RNF24: variants seen among roughly 807,000 people sequenced by gnomAD.
The protein encoded by RNF24 is ring finger protein 24.
A neutral mutation model predicts 20.0 loss-of-function variants in RNF24; 14 were observed. That is an observed-to-expected ratio of 0.70 (90% CI 0.46 to 1.10). The LOEUF (loss-of-function observed/expected upper bound fraction) is 1.10, where lower values mean the gene tolerates loss of function less well. RNF24 is among the 50% of genes least tolerant of loss of function. The probability of loss-of-function intolerance (pLI) is 0.00; values close to 1 mark genes in which losing one functional copy is unlikely to be tolerated. For synonymous variants in RNF24, 45 were observed against 61.1 expected, an observed-to-expected ratio of 0.74 and a Z score of 1.23; for missense variants, 124 against 177.6, an observed-to-expected ratio of 0.70 and a Z score of 1.71.
intron 1 of RNF24, among the ~76,000 whole-genome samples, chr20:4,008,533 TTA>T: frequency 8.6e-6 from 1 of 116,344 alleles, no homozygotes; most frequent in African/African-American, 3.2e-5. Context: ...TATATATTAT[TTA>T]TATATATTAT....
At chr20:3,964,195 G>C (rs1268723365) in intron 1 of RNF24, among the ~76,000 whole-genome samples, 171 bp from the exon 2 acceptor site, 1 of 152,106 alleles carries the variant, frequency 6.6e-6, no homozygotes, top group Non-Finnish European at 1.5e-5. Context: ...AATATTTACT[G>C]AGTATTATGT....
At chr20:3,953,285 G>A (rs909552308) in intron 2 of RNF24, among the ~76,000 whole-genome samples, 2 of 151,922 alleles carry the variant, frequency 1.3e-5, no homozygotes, top group East Asian at 3.9e-4. Flanking sequence ...CCGAGTAGCT[G>A]GGACTACAGA....
intron 1 of RNF24, among the ~76,000 whole-genome samples, chr20:3,988,012 A>T (rs756475460): frequency 9.0e-5 from 13 of 145,194 alleles, no homozygotes; most frequent in Non-Finnish European, 1.5e-4. Context: ...AGCTTAAAAT[A>T]AAAAAAAAAA....
intron 1 of RNF24, among the ~76,000 whole-genome samples, chr20:4,001,807 G>A (rs1240533100): frequency 2.6e-5 from 4 of 152,054 alleles, no homozygotes. Context: ...AAACAGCTGG[G>A]CATGGTGACA....
In RNF24 at chr20:4,000,093, G is replaced by T. The variant is rs559319447; in HGVS notation, c.-8+15344C>A. Among the ~76,000 whole-genome samples the T allele has an allele frequency of 1.9e-3, 284 of 152,194 alleles. 2 individuals carry two copies. The highest frequency in any genetic ancestry group is 6.6e-3 in the African/African-American group (275 of 41,512). On this transcript the variant is annotated intron_variant, in intron 1 of 5. Transcript: ENST00000358395. ...CTAAAATGTTCTAAAATTGATTGTG[G>T]TGATAGACAGAAAACTCTAATATTC... is the stretch of plus-strand genomic sequence containing the variant.
At chr20:3,990,507 T>C (rs1317505949) in intron 1 of RNF24, among the ~76,000 whole-genome samples, 2 of 152,180 alleles carry the variant, frequency 1.3e-5, no homozygotes, top group Non-Finnish European at 2.9e-5. Flanking sequence ...GCAACCTAAA[T>C]ATGTAATTGG....
At chr20:3,974,939 A>G (rs1166516873) in intron 1 of RNF24, among the ~76,000 whole-genome samples, 3 of 152,156 alleles carry the variant, frequency 2.0e-5, no homozygotes, top group African/African-American at 7.2e-5. Context: ...AGACAAGGAA[A>G]TAAAACAGCT....
chr20:3,944,499 G>C (rs140165264), intron 4 of RNF24, among the ~76,000 whole-genome samples: 1,551 of 152,264 alleles, frequency 0.01, 17 homozygotes, highest in African/African-American at 0.035. Flanking sequence ...TCAAGTCCTT[G>C]CTTTAAACAC....
intron 4 of RNF24, among the ~76,000 whole-genome samples, chr20:3,944,928 G>A (rs900776844): frequency 1.3e-5 from 2 of 152,128 alleles, no homozygotes; most frequent in Non-Finnish European, 2.9e-5. Context: ...CAGCATGGAC[G>A]GCAAGCAGCA....
intron 2 of RNF24, among the ~76,000 whole-genome samples, chr20:3,953,809 T>C (rs2146971046): frequency 6.7e-6 from 1 of 150,160 alleles, no homozygotes; most frequent in East Asian, 2.0e-4. Flanking sequence ...CAGGCTGGAG[T>C]ACAGTGGCAC....
Position 3,928,063 on chromosome 20 carries a change from TA to T in RNF24, c.*5999del, listed in dbSNP as rs1159832934. On this transcript the variant is annotated 3_prime_UTR_variant, in exon 6 of 6. Coordinates refer to ENST00000358395, the MANE Select transcript of RNF24 (RefSeq NM_001134337.3). ...TCCCCAGCACATGGGGATCCCTTAT[TA>T]ATCTTTACTAAAGAACCGTGAACCA... 6.6e-6 allele frequency: 1 copy of T among 152,192 alleles called. No individual in the cohort carries two copies. Among genetic ancestry groups the T allele is most frequent in the Non-Finnish European group, 1.5e-5 (1 of 68,032 alleles). The allele number at this position is 152,192 out of a possible 1,614,324, so 9.4% of individuals were successfully genotyped here. A position where few individuals can be genotyped will look rare whatever the true frequency, so the allele number is the denominator to read the frequency against.
chr20:3,991,676 G>A (rs747139595), intron 1 of RNF24, among the ~76,000 whole-genome samples: 1 of 152,074 alleles, frequency 6.6e-6, no homozygotes, highest in Non-Finnish European at 1.5e-5. Context: ...TAAATGTAGT[G>A]AGGAAAAATT....
chr20:3,999,949 T>C (rs1175627446), intron 1 of RNF24, among the ~76,000 whole-genome samples: 1 of 152,010 alleles, frequency 6.6e-6, no homozygotes, highest in African/African-American at 2.4e-5. Flanking sequence ...AGGCCCAGAA[T>C]AAGCAAATCT....
chr20:3,991,773 GATC>G (rs1980460532), intron 1 of RNF24, among the ~76,000 whole-genome samples: 1 of 152,036 alleles, frequency 6.6e-6, no homozygotes, highest in Non-Finnish European at 1.5e-5. Context: ...ATCATTTAAT[GATC>G]ATTTTAATTA....
intron 1 of RNF24, among the ~76,000 whole-genome samples, chr20:3,971,269 C>T (rs1352276396): frequency 6.6e-6 from 1 of 152,084 alleles, no homozygotes; most frequent in African/African-American, 2.4e-5. Context: ...CTACATCCAG[C>T]AAAAATACCC....
At chr20:3,986,971 G>A (rs902198336) in intron 1 of RNF24, among the ~76,000 whole-genome samples, 2 of 151,816 alleles carry the variant, frequency 1.3e-5, no homozygotes, top group African/African-American at 4.8e-5. Context: ...GCAGTAGCAT[G>A]ATCATAGCTC....
At chr20:3,970,908 T>C (rs1368505939) in intron 1 of RNF24, among the ~76,000 whole-genome samples, 1 of 152,034 alleles carries the variant, frequency 6.6e-6, no homozygotes, top group Non-Finnish European at 1.5e-5. Context: ...TATCCAGGCA[T>C]GGTGGTGGGC....
At chr20:3,971,651 A>G (rs1402931261) in intron 1 of RNF24, among the ~76,000 whole-genome samples, 2 of 152,208 alleles carry the variant, frequency 1.3e-5, no homozygotes, top group African/African-American at 4.8e-5. Context: ...AAAGTATACT[A>G]GTAGACTGCA....
chr20:3,931,781 G>GGTGCTGA lies in RNF24; in HGVS notation c.*2275_*2281dup. The stretch of plus-strand genomic sequence containing the variant: ...CATCTGGGCAAAGCAGACCCAAGGT[G>GGTGCTGA]GTGCTGAGTGCAGAGTGCAGAGCAT... On this transcript the variant is annotated 3_prime_UTR_variant, in exon 6 of 6. Transcript: ENST00000358395. 4 of 152,382 alleles carry GGTGCTGA rather than the reference G, an allele frequency of 2.6e-5. No individual in the cohort carries two copies. In the East Asian group the frequency reaches 7.7e-4, roughly 29 times the overall value. The allele number at this position is 152,382 out of a possible 1,614,324, so 9.4% of individuals were successfully genotyped here.
Sources: allele counts gnomAD v4.1 joint callset (sites outside exome capture counted in the v4.1 genomes callset), GRCh38; gene constraint gnomAD v4.1.1; transcripts MANE v1.5; gene names NCBI Gene and HGNC (gene_info 2026-07-23, HGNC 2026-07-21).